The following ANKRD39 variants were observed in gnomAD, a reference collection of about 807,000 sequenced individuals.
ANKRD39 encodes ankyrin repeat domain 39.
In ANKRD39, 18 loss-of-function variants were observed where a neutral mutation model predicts 20.3. That is an observed-to-expected ratio of 0.89 (90% CI 0.61 to 1.32). ANKRD39 has a LOEUF of 1.32. Among genes scored for constraint, ANKRD39 ranks in the 40% most tolerant of loss-of-function variants. ANKRD39 has a pLI of 0.00. For synonymous variants in ANKRD39, 106 were observed against 111.9 expected, an observed-to-expected ratio of 0.95 and a Z score of 0.33; for missense variants, 243 against 250.7, an observed-to-expected ratio of 0.97 and a Z score of 0.21.
rs139450583 is a variant in ANKRD39, at chr2:96,848,999, T to C, written c.409-555A>G. The stretch of plus-strand genomic sequence containing the variant: ...AACTGTCTTTGGCCAGACCTACACA[T>C]TAAAAACAAGTACAGCACCTTGTAT... On this transcript the variant is annotated intron_variant, in intron 3 of 3. Transcript: ENST00000393537. Among the ~76,000 whole-genome samples, 77 of 152,284 alleles carry C rather than the reference T, an allele frequency of 5.1e-4. No individual in the cohort carries two copies. In the East Asian group the frequency reaches 0.014, roughly 28 times the overall value.
chr2:96,856,758 T>C (rs1018811395), intron 1 of ANKRD39, among the ~76,000 whole-genome samples: 2 of 152,170 alleles, frequency 1.3e-5, no homozygotes, highest in African/African-American at 4.8e-5. Context: ...AGGGAGGGTC[T>C]CTGAGGAGAT....
intron 2 of ANKRD39, 81 bp downstream of exon 2, chr2:96,854,257 C>T: frequency 2.9e-6 from 4 of 1,378,928 alleles, no homozygotes; most frequent in Non-Finnish European, 4.0e-6. Context: ...AAAAGGTAAC[C>T]ATCAGTCCCC....
At chr2:96,857,786 C>G (rs2079872929) in intron 1 of ANKRD39, 102 bp downstream of exon 1, 1 of 1,262,052 alleles carries the variant, frequency 7.9e-7, no homozygotes, top group East Asian at 2.8e-5. Flanking sequence ...AGCCCCAAGC[C>G]CCAAGCTCTC....
chr2:96,855,612 A>T (rs1352251530), intron 1 of ANKRD39, among the ~76,000 whole-genome samples: 1 of 151,780 alleles, frequency 6.6e-6, no homozygotes, highest in African/African-American at 2.4e-5. Flanking sequence ...AGTCCCAGCT[A>T]CTCAGGGGGC....
chr2:96,856,661 C>T (rs895812491), intron 1 of ANKRD39, among the ~76,000 whole-genome samples: 2 of 152,136 alleles, frequency 1.3e-5, no homozygotes, highest in African/African-American at 4.8e-5. Flanking sequence ...CTGTAGCACC[C>T]TCCTGATTGT....
rs1050813755 is a variant in ANKRD39, at chr2:96,848,074, A to G, written c.*227T>C. The G allele has an allele frequency of 2.1e-6, 1 of 468,586 alleles. No homozygotes were observed. The highest frequency in any genetic ancestry group is 3.7e-6 in the Non-Finnish European group (1 of 268,886). 29.0% of individuals were successfully genotyped at this position (468,586 alleles called of 1,614,324 possible). On this transcript the variant is annotated 3_prime_UTR_variant, in exon 4 of 4. Transcript: ENST00000393537. ...GATATAACTTTATTTTTTTCCAAATAAATAGATGTCTCATATGAACTAATT... is the reference window on the plus strand; with the variant it reads ...GATATAACTTTATTTTTTTCCAAATGAATAGATGTCTCATATGAACTAATT...
intron 3 of ANKRD39, among the ~76,000 whole-genome samples, chr2:96,849,684 T>A (rs2153359601): frequency 6.6e-6 from 1 of 151,922 alleles, no homozygotes; most frequent in South Asian, 2.1e-4. Context: ...AGAGACAGGG[T>A]CTTGCCATGT....
At chr2:96,857,659 T>G (rs2079871957) in intron 1 of ANKRD39, among the ~76,000 whole-genome samples, 2 of 152,212 alleles carry the variant, frequency 1.3e-5, no homozygotes, top group South Asian at 4.1e-4. Context: ...AACCAGTGCT[T>G]CCGCTTCCCC....
chr2:96,848,261 C>T lies in ANKRD39; in HGVS notation c.*40G>A. ...CAAGGCAGGGGCTTGGAGAACTGGT[C>T]TGTGTACCCTTTAAAGGCAGCTGGA... On this transcript the variant is annotated 3_prime_UTR_variant, in exon 4 of 4. Coordinates refer to ENST00000393537, the MANE Select transcript of ANKRD39 (RefSeq NM_016466.6). 1 of 1,610,620 alleles carries T rather than the reference C, an allele frequency of 6.2e-7. No homozygotes were observed. Among genetic ancestry groups the T allele is most frequent in the East Asian group, 2.2e-5 (1 of 44,796 alleles).
rs2079819116 is a variant in ANKRD39 at position 96,848,195 on chromosome 2, G to C, written c.*106C>G. On this transcript the variant is annotated 3_prime_UTR_variant, in exon 4 of 4. Coordinates refer to ENST00000393537, the MANE Select transcript of ANKRD39 (RefSeq NM_016466.6). ...GACCAGACTGGGGCTCTTCCTGGGT[G>C]GTCTGGCCTCAGTTCCCTGCCCAGC... is the stretch of plus-strand genomic sequence containing the variant. The C allele has an allele frequency of 6.7e-7, 1 of 1,497,788 alleles. No individual in the cohort carries two copies. The highest frequency in any genetic ancestry group is 9.1e-7 in the Non-Finnish European group (1 of 1,102,082). The allele number at this position is 1,497,788 out of a possible 1,614,324, so 92.8% of individuals were successfully genotyped here. A position where few individuals can be genotyped will look rare whatever the true frequency, so the allele number is the denominator to read the frequency against.
rs767118924 is a variant in ANKRD39, at chr2:96,857,960, C to CGTCCGCGCAGGGCCG, written c.13_27dup (p.Arg5_Asp9dup). On this transcript the variant is annotated inframe_insertion, in exon 1 of 4. Transcript: ENST00000393537. Reference sequence around the variant, plus strand: ...GCGCTGGGATGCGAGCAGCAGGGCCCGTCCGCGCAGGGCCGAGGCGTCGCC... The same window carrying CGTCCGCGCAGGGCCG: ...GCGCTGGGATGCGAGCAGCAGGGCCCGTCCGCGCAGGGCCGGTCCGCGCAGGGCCGAGGCGTCGCC... The CGTCCGCGCAGGGCCG allele has an allele frequency of 2.0e-5, 31 of 1,566,406 alleles. No homozygotes were observed. Among genetic ancestry groups the CGTCCGCGCAGGGCCG allele is most frequent in the Non-Finnish European group, 2.5e-5 (29 of 1,163,660 alleles).
intron 3 of ANKRD39, among the ~76,000 whole-genome samples, chr2:96,852,440 T>C (rs1233549052): frequency 3.1e-5 from 4 of 129,498 alleles, no homozygotes; most frequent in Non-Finnish European, 6.4e-5. Flanking sequence ...TAGTAGGGCC[T>C]CTGAGTGTAA....
intron 2 of ANKRD39, among the ~76,000 whole-genome samples, chr2:96,854,066 G>A (rs1194466529): frequency 6.6e-6 from 1 of 152,242 alleles, no homozygotes. Flanking sequence ...GGCGGAGGTT[G>A]CAGTGAGCTG....
chr2:96,848,069 C>T lies in ANKRD39; in HGVS notation c.*232G>A. ...GTAAGGATATAACTTTATTTTTTTC[C>T]AAATAAATAGATGTCTCATATGAAC... is the stretch of plus-strand genomic sequence containing the variant. On this transcript the variant is annotated 3_prime_UTR_variant, in exon 4 of 4. Coordinates refer to ENST00000393537, the MANE Select transcript of ANKRD39 (RefSeq NM_016466.6). 8.9e-6 allele frequency: 4 copies of T among 448,074 alleles called. No individual in the cohort carries two copies. Among genetic ancestry groups the T allele is most frequent in the East Asian group, 3.3e-5 (1 of 29,946 alleles). The allele number at this position is 448,074 out of a possible 1,614,324, so 27.8% of individuals were successfully genotyped here.
intron 1 of ANKRD39, among the ~76,000 whole-genome samples, chr2:96,855,500 G>A (rs1438451340): frequency 6.6e-6 from 1 of 152,094 alleles, no homozygotes; most frequent in Non-Finnish European, 1.5e-5. Context: ...CGAGGCGGGT[G>A]GATCACGAGG....
intron 1 of ANKRD39, among the ~76,000 whole-genome samples, chr2:96,854,969 A>C (rs2079855731): frequency 6.6e-6 from 1 of 152,248 alleles, no homozygotes; most frequent in Non-Finnish European, 1.5e-5. Flanking sequence ...GAAGGCTGCC[A>C]AGGCAGTGTG....
intron 3 of ANKRD39, among the ~76,000 whole-genome samples, chr2:96,849,953 C>T (rs1206720484): frequency 6.6e-6 from 1 of 152,204 alleles, no homozygotes; most frequent in East Asian, 1.9e-4. Context: ...ATTTAACTTT[C>T]AAAATAGCCC....
At chr2:96,852,461 G>T (rs2079842909) in intron 3 of ANKRD39, among the ~76,000 whole-genome samples, 1 of 129,142 alleles carries the variant, frequency 7.7e-6, no homozygotes, top group Non-Finnish European at 1.6e-5. Context: ...GAGACCAGGG[G>T]ACAAGAGCTC....
intron 1 of ANKRD39, among the ~76,000 whole-genome samples, chr2:96,857,214 T>C (rs1298288316): frequency 1.3e-5 from 2 of 152,100 alleles, no homozygotes; most frequent in Admixed American, 6.5e-5. Flanking sequence ...TCCATGAGAA[T>C]GCTTACACAG....
Sources: gnomAD v4.1 joint callset for allele counts (sites outside exome capture counted in the v4.1 genomes callset) on GRCh38, gnomAD v4.1.1 for gene constraint, MANE v1.5 for transcripts, NCBI Gene and HGNC (gene_info 2026-07-23, HGNC 2026-07-21) for gene names.